FRMD4B: variants seen among roughly 807,000 people sequenced by gnomAD.
The protein encoded by FRMD4B is FERM domain containing 4B.
In FRMD4B, 74 loss-of-function variants were observed where a neutral mutation model predicts 141.5. That is an observed-to-expected ratio of 0.52 (90% CI 0.43 to 0.63). The LOEUF is 0.63. FRMD4B is among the 30% of genes least tolerant of loss of function. The pLI is 0.00. For missense variants in FRMD4B, 1,366 were observed against 1,253.4 expected (o/e 1.09, Z -1.36); for synonymous variants, 506 against 467.9 (o/e 1.08, Z -1.05).
chr3:69,508,157 A>G (rs1044956988), intron 1 of FRMD4B, among the ~76,000 whole-genome samples: 3 of 152,202 alleles, frequency 2.0e-5, no homozygotes, highest in Admixed American at 2.0e-4. Flanking sequence ...TCTCCTGAAC[A>G]TATTTCTCCC....
In FRMD4B at chr3:69,335,602, C is replaced by T. The variant is rs148103393; in HGVS notation, c.163-22085G>A. 2.4e-3 allele frequency among the ~76,000 whole-genome samples: 364 copies of T among 151,880 alleles called. 1 individual carries two copies. The highest frequency in any genetic ancestry group is 8.3e-3 in the African/African-American group (343 of 41,428). On this transcript the variant is annotated intron_variant, in intron 1 of 22. Transcript: ENST00000398540. Reference sequence around the variant, plus strand: ...AAGTGTTGGGATTATGGGCATGAGCCGCTGCAGCCGGCCCCATAATTGCAC... The same window carrying T: ...AAGTGTTGGGATTATGGGCATGAGCTGCTGCAGCCGGCCCCATAATTGCAC...
At chr3:69,228,477 G>A in intron 7 of FRMD4B, 1 of 456,362 alleles carries the variant, frequency 2.2e-6, no homozygotes, top group South Asian at 1.5e-5. Context: ...CATTGCCCAT[G>A]TTTCATATAA....
At chr3:69,430,495 T>C (rs1705161730) in intron 2 of FRMD4B, among the ~76,000 whole-genome samples, 1 of 152,204 alleles carries the variant, frequency 6.6e-6, no homozygotes, top group South Asian at 2.1e-4. Context: ...TCTATTTCAG[T>C]TACAAGATCC....
At chr3:69,382,006 TTTTG>T (rs765494168) in intron 1 of FRMD4B, among the ~76,000 whole-genome samples, 6 of 152,134 alleles carry the variant, frequency 3.9e-5, no homozygotes, top group South Asian at 4.1e-4. Flanking sequence ...CTTTTTAGAT[TTTTG>T]TTTGTTTGTC....
intron 7 of FRMD4B, among the ~76,000 whole-genome samples, chr3:69,229,619 A>C (rs2093286714): frequency 6.6e-6 from 1 of 152,222 alleles, no homozygotes; most frequent in South Asian, 2.1e-4. Flanking sequence ...TAAACTCTTC[A>C]ACAAGCAGTG....
At chr3:69,391,472 C>T (rs932419187) in intron 2 of FRMD4B, among the ~76,000 whole-genome samples, 3 of 148,248 alleles carry the variant, frequency 2.0e-5, no homozygotes, top group Non-Finnish European at 4.4e-5. Flanking sequence ...CTGTTCAATT[C>T]CCACCTATGA....
intron 1 of FRMD4B, among the ~76,000 whole-genome samples, chr3:69,339,868 T>TGCC (rs1461424034): frequency 1.3e-5 from 2 of 152,118 alleles, no homozygotes; most frequent in Non-Finnish European, 2.9e-5. Context: ...GAGAGGGGAT[T>TGCC]CTTGACAGGG....
At position 69,212,375 on chromosome 3, in the gene FRMD4B, A is replaced by AAAAG. The variant is rs1559721512; in HGVS notation, c.876+3887_876+3888insCTTT. 8.0e-4 allele frequency among the ~76,000 whole-genome samples: 72 copies of AAAAG among 89,468 alleles called. 1 individual carries two copies. The highest frequency in any genetic ancestry group is 2.8e-3 in the African/African-American group (66 of 23,854). 58.7% of individuals were successfully genotyped at this position (89,468 alleles called of 152,430 possible). ...ACCCCGTCTCAAAAAAAAAAAAAAA[A>AAAAG]AAAAAGAAAAAAAAAAAGAAAAAAA... On this transcript the variant is annotated intron_variant, in intron 11 of 22. Coordinates refer to ENST00000398540, the MANE Select transcript of FRMD4B (RefSeq NM_015123.3).
intron 19 of FRMD4B, among the ~76,000 whole-genome samples, chr3:69,185,851 G>A (rs1173472781): frequency 6.6e-6 from 1 of 152,018 alleles, no homozygotes; most frequent in Admixed American, 6.6e-5. Context: ...AGACCAGCCT[G>A]ACCAACATGG....
chr3:69,479,253 T>C (rs925421080), intron 1 of FRMD4B, among the ~76,000 whole-genome samples: 32 of 150,842 alleles, frequency 2.1e-4, no homozygotes, highest in African/African-American at 7.8e-4. Flanking sequence ...GTCATTATGA[T>C]GTTAGCTGGT....
intron 11 of FRMD4B, among the ~76,000 whole-genome samples, chr3:69,202,152 G>A (rs1465966790): frequency 7.9e-5 from 12 of 151,970 alleles, no homozygotes; most frequent in South Asian, 4.2e-4. Context: ...GCAGTGAGCC[G>A]AGATCGCACC....
chr3:69,424,027 G>A lies in FRMD4B; in HGVS notation c.-1+8607C>T, dbSNP rs142517935. Reference sequence around the variant, plus strand: ...AATGTCCTTGTTAAAAAAAAATAATGTCTTAGATAAGCTTCATTCAAACAT... The same window carrying A: ...AATGTCCTTGTTAAAAAAAAATAATATCTTAGATAAGCTTCATTCAAACAT... On this transcript the variant is annotated intron_variant, in intron 2 of 5. Coordinates refer to the FRMD4B transcript ENST00000459638. Among the ~76,000 whole-genome samples the A allele has an allele frequency of 9.2e-5, 14 of 152,228 alleles. No individual in the cohort carries two copies. The East Asian group carries it at 2.7e-3, about 29-fold the overall frequency.
At chr3:69,260,276 C>T (rs1465746182) in intron 5 of FRMD4B, among the ~76,000 whole-genome samples, 1 of 152,154 alleles carries the variant, frequency 6.6e-6, no homozygotes, top group Non-Finnish European at 1.5e-5. Flanking sequence ...GGGAGAGGCG[C>T]CAGCGGGAAC....
chr3:69,288,839 T>A (rs1042456350), intron 4 of FRMD4B, among the ~76,000 whole-genome samples: 1 of 152,204 alleles, frequency 6.6e-6, no homozygotes, highest in Non-Finnish European at 1.5e-5. Context: ...TATCCTTAGC[T>A]CTGCGGAATC....
At chr3:69,254,461 A>G (rs2093480815) in intron 5 of FRMD4B, among the ~76,000 whole-genome samples, 2 of 152,154 alleles carry the variant, frequency 1.3e-5, no homozygotes, top group African/African-American at 4.8e-5. Context: ...CAGGATATTA[A>G]TGTAATCACA....
At chr3:69,466,066 C>T (rs1160761445) in intron 1 of FRMD4B, among the ~76,000 whole-genome samples, 1 of 150,160 alleles carries the variant, frequency 6.7e-6, no homozygotes, top group Non-Finnish European at 1.5e-5. Flanking sequence ...TGTTTCCTGA[C>T]TTTTTTTTTT....
intron 1 of FRMD4B, among the ~76,000 whole-genome samples, chr3:69,340,249 T>C (rs548676589): frequency 6.6e-6 from 1 of 152,224 alleles, no homozygotes; most frequent in East Asian, 1.9e-4. Flanking sequence ...GGTGTACAGA[T>C]GATTTTGTCA....
At chr3:69,249,447 T>C (rs1575656882) in intron 6 of FRMD4B, among the ~76,000 whole-genome samples, 199 bp from the exon 7 acceptor site, 1 of 152,212 alleles carries the variant, frequency 6.6e-6, no homozygotes, top group Non-Finnish European at 1.5e-5. Context: ...GAATATTCCT[T>C]ATTCTTAACA....
chr3:69,390,629 A>G (rs930562647), upstream of FRMD4B, among the ~76,000 whole-genome samples: 1 of 152,138 alleles, frequency 6.6e-6, no homozygotes, highest in Non-Finnish European at 1.5e-5. Context: ...ACGGTGGCTC[A>G]TGCCTGTAAT....
Sources: gnomAD v4.1 joint callset for allele counts (sites outside exome capture counted in the v4.1 genomes callset) on GRCh38, gnomAD v4.1.1 for gene constraint, MANE v1.5 for transcripts, NCBI Gene and HGNC (gene_info 2026-07-23, HGNC 2026-07-21) for gene names.